Variants in UBE2W observed in about 807,000 individuals in gnomAD.
The protein encoded by UBE2W is ubiquitin conjugating enzyme E2 W.
In UBE2W, 18 loss-of-function variants were observed where a neutral mutation model predicts 27.2. The ratio of observed to expected loss-of-function variants is 0.66; its 90% CI spans 0.46 to 0.98. The LOEUF (loss-of-function observed/expected upper bound fraction) is 0.98. Among genes scored for constraint, UBE2W ranks in the 50% least tolerant of loss-of-function variants. UBE2W has a pLI of 0.00. For missense variants in UBE2W, 90 were observed against 180.2 expected (o/e 0.50, Z 2.87); for synonymous variants, 53 against 57.2 (o/e 0.93, Z 0.33).
chr8:73,805,454 C>CAAAAAAAAAAAAAAAACA lies in UBE2W; in HGVS notation c.442+196_442+197insTGTTTTTTTTTTTTTTTT, dbSNP rs1554579923. 2.1e-4 allele frequency among the ~76,000 whole-genome samples: 3 copies of CAAAAAAAAAAAAAAAACA among 14,578 alleles called. 1 individual carries two copies. Among genetic ancestry groups the CAAAAAAAAAAAAAAAACA allele is most frequent in the Non-Finnish European group, 1.3e-4 (1 of 7,758 alleles). 9.6% of individuals were successfully genotyped at this position (14,578 alleles called of 152,430 possible). A position where few individuals can be genotyped will look rare whatever the true frequency, so the allele number is the denominator to read the frequency against. ...GGGCAACAAGAGCAAAACTCCATCT[C>CAAAAAAAAAAAAAAAACA]AAAAAAAAAAAAAAAAACAAAAAAA... On this transcript the variant is annotated intron_variant, in intron 5 of 5. Transcript: ENST00000602593.
chr8:73,870,137 A>G (rs1811941861), intron 1 of UBE2W: 1 of 934,292 alleles, frequency 1.1e-6, no homozygotes, highest in Non-Finnish European at 1.7e-6. Context: ...TAAGTTTTAT[A>G]TGTGGATTAT....
intron 1 of UBE2W, among the ~76,000 whole-genome samples, chr8:73,837,941 T>C (rs935596769): frequency 1.3e-5 from 2 of 152,188 alleles, no homozygotes; most frequent in Non-Finnish European, 2.9e-5. Context: ...TCCTTTTTTT[T>C]ATTCTTCCAT....
downstream of UBE2W, among the ~76,000 whole-genome samples, chr8:73,781,652 T>G (rs1479540680): frequency 6.7e-6 from 1 of 150,194 alleles, no homozygotes; most frequent in Non-Finnish European, 1.5e-5. Flanking sequence ...TTAAACAGTG[T>G]CTCGTTCTGT....
downstream of UBE2W, among the ~76,000 whole-genome samples, chr8:73,784,059 GT>G (rs1229251955): frequency 7.2e-5 from 11 of 152,042 alleles, no homozygotes; most frequent in Non-Finnish European, 7.4e-5. Context: ...CCATAACATG[GT>G]TTTTTACCAC....
intron 1 of UBE2W, among the ~76,000 whole-genome samples, chr8:73,840,775 G>GA (rs1300816922): frequency 2.0e-5 from 3 of 152,054 alleles, no homozygotes; most frequent in Non-Finnish European, 4.4e-5. Context: ...GCAATTGGAG[G>GA]AAAAAAATCT....
intron 1 of UBE2W, among the ~76,000 whole-genome samples, chr8:73,852,272 C>CTTGT (rs1186882121): frequency 6.6e-6 from 1 of 152,108 alleles, no homozygotes; most frequent in East Asian, 1.9e-4. Context: ...TGCTGTCTAC[C>CTTGT]ATGAATCCAA....
At chr8:73,841,095 TAACA>T (rs1810516931) in intron 1 of UBE2W, among the ~76,000 whole-genome samples, 1 of 152,176 alleles carries the variant, frequency 6.6e-6, no homozygotes, top group African/African-American at 2.4e-5. Flanking sequence ...CAATTTCATC[TAACA>T]ACCAACTAAA....
chr8:73,788,064 T>TA lies in UBE2W; in HGVS notation c.*6037dup. The TA allele has an allele frequency of 4.1e-6, 4 of 985,304 alleles. No individual in the cohort carries two copies. The highest frequency in any genetic ancestry group is 4.8e-6 in the Non-Finnish European group (4 of 829,810). The allele number at this position is 985,304 out of a possible 1,614,324, so 61.0% of individuals were successfully genotyped here. A position where few individuals can be genotyped will look rare whatever the true frequency, so the allele number is the denominator to read the frequency against. ...AGAGAAACTACTGTACAAATACTTT[T>TA]ACGTCATAAACCAAAAAGAGGTCTG... On this transcript the variant is annotated 3_prime_UTR_variant, in exon 6 of 6. Coordinates refer to ENST00000602593, the MANE Select transcript of UBE2W (RefSeq NM_018299.6).
intron 4 of UBE2W, among the ~76,000 whole-genome samples, chr8:73,809,033 G>A (rs192197748): frequency 1.4e-4 from 21 of 152,188 alleles, no homozygotes; most frequent in African/African-American, 4.8e-4. Context: ...TGTTGTTACC[G>A]TCTCACCTTT....
intron 1 of UBE2W, among the ~76,000 whole-genome samples, chr8:73,841,336 AT>A (rs1233171091): frequency 6.6e-6 from 1 of 152,172 alleles, no homozygotes; most frequent in African/African-American, 2.4e-5. Context: ...GTAAGGAAGC[AT>A]TTTCCCTCCT....
At chr8:73,805,472 C>CAAAAAAAAAAAAACAAACAAAAAAAAA in intron 5 of UBE2W, among the ~76,000 whole-genome samples, 179 bp downstream of exon 5, 1 of 43,676 alleles carries the variant, frequency 2.3e-5, no homozygotes, top group Non-Finnish European at 5.0e-5. Flanking sequence ...AAAAAAAAAA[C>CAAAAAAAAAAAAACAAACAAAAAAAAA]AAAAAAAACT....
In UBE2W at chr8:73,878,832, AT is replaced by A. The variant is rs1812359438; in HGVS notation, c.-11del. 6.5e-7 allele frequency: 1 copy of A among 1,550,198 alleles called. No individual in the cohort carries two copies. Among genetic ancestry groups the A allele is most frequent in the Non-Finnish European group, 8.7e-7 (1 of 1,146,270 alleles). Reference sequence around the variant, plus strand: ...CCTGCATTGACGCCATGATGGAACCATCCCCCCAAGACCGGCGAGGCCAGAG... The same window carrying A: ...CCTGCATTGACGCCATGATGGAACCACCCCCCAAGACCGGCGAGGCCAGAG... On this transcript the variant is annotated 5_prime_UTR_variant, in exon 1 of 6. It removes an upstream start codon present in the reference 5' UTR. Transcript: ENST00000602593.
intron 4 of UBE2W, chr8:73,780,609 T>C (rs1002089707): frequency 4.9e-6 from 2 of 407,566 alleles, no homozygotes; most frequent in Non-Finnish European, 9.8e-6. Context: ...GCAACCTCCA[T>C]CTCCCAGGTT....
chr8:73,823,267 TAAA>T (rs1318513001), intron 3 of UBE2W, among the ~76,000 whole-genome samples: 1 of 152,174 alleles, frequency 6.6e-6, no homozygotes, highest in African/African-American at 2.4e-5. Context: ...ACAGAAATAT[TAAA>T]GAAGAAATTC....
intron 3 of UBE2W, among the ~76,000 whole-genome samples, chr8:73,811,341 T>G (rs1809142716): frequency 6.6e-6 from 1 of 152,204 alleles, no homozygotes; most frequent in Non-Finnish European, 1.5e-5. Flanking sequence ...ATAAATCTAT[T>G]ATTTCCTTCC....
At chr8:73,870,246 T>G (rs376572689) in intron 1 of UBE2W, 9 of 1,581,480 alleles carry the variant, frequency 5.7e-6, no homozygotes, top group Non-Finnish European at 7.7e-6. Flanking sequence ...TTGAAGAGGA[T>G]TGGCAAAAAA....
chr8:73,860,571 G>A (rs1316658554), intron 1 of UBE2W, among the ~76,000 whole-genome samples: 1 of 152,102 alleles, frequency 6.6e-6, no homozygotes, highest in Non-Finnish European at 1.5e-5. Context: ...CTACGAAAGA[G>A]GTAAAACATG....
intron 1 of UBE2W, chr8:73,834,043 G>GT (rs1181369327): frequency 6.6e-6 from 1 of 152,184 alleles, no homozygotes; most frequent in Non-Finnish European, 1.5e-5. Context: ...TACACCCAGC[G>GT]TAAGTCTTTT....
chr8:73,861,815 G>A (rs1049799054), intron 1 of UBE2W, among the ~76,000 whole-genome samples: 43 of 152,056 alleles, frequency 2.8e-4, no homozygotes, highest in Non-Finnish European at 5.6e-4. Flanking sequence ...TCTCATGACA[G>A]CTATTTTGTT....
Sources: allele counts gnomAD v4.1 joint callset (sites outside exome capture counted in the v4.1 genomes callset), GRCh38; gene constraint gnomAD v4.1.1; transcripts MANE v1.5; gene names NCBI Gene and HGNC (gene_info 2026-07-23, HGNC 2026-07-21).